Variants in KIAA1549L observed in about 807,000 individuals in gnomAD.
KIAA1549L encodes UPF0606 protein KIAA1549L.
In KIAA1549L, 88 loss-of-function variants were observed where a neutral mutation model predicts 160.7. The observed-to-expected ratio is 0.55, with a 90% CI of 0.46 to 0.65. The LOEUF is 0.65. Ranked by LOEUF, KIAA1549L falls within the 30% of genes least tolerant of loss-of-function variation. The pLI is 0.00. For missense variants in KIAA1549L, 2,258 were observed against 2,437.5 expected, an observed-to-expected ratio of 0.93 and a Z score of 1.55; for synonymous variants, 950 against 976.7, an observed-to-expected ratio of 0.97 and a Z score of 0.51.
intron 1 of KIAA1549L, among the ~76,000 whole-genome samples, chr11:33,397,710 T>TCACACACACA (rs71034679): frequency 2.7e-4 from 38 of 142,944 alleles, no homozygotes; most frequent in Non-Finnish European, 4.9e-4. Context: ...AGACTCCATC[T>TCACACACACA]CACACACACA....
chr11:33,478,998 G>A (rs1253086158), intron 1 of KIAA1549L, among the ~76,000 whole-genome samples: 1 of 152,296 alleles, frequency 6.6e-6, no homozygotes, highest in East Asian at 1.9e-4. Flanking sequence ...TGCCCCTAAG[G>A]TTACTCAGTT....
chr11:33,512,197 A>G (rs1018601445), intron 1 of KIAA1549L, among the ~76,000 whole-genome samples: 3 of 152,210 alleles, frequency 2.0e-5, no homozygotes, highest in East Asian at 1.9e-4. Flanking sequence ...AGAGTTGTCT[A>G]TTTAAAAATA....
chr11:33,597,556 G>A (rs1011215099), intron 12 of KIAA1549L, among the ~76,000 whole-genome samples: 2 of 152,216 alleles, frequency 1.3e-5, no homozygotes, highest in Non-Finnish European at 2.9e-5. Context: ...GAAGAACAGA[G>A]GCCGCTAGAT....
At chr11:33,654,170 C>T (rs1163883448) in intron 17 of KIAA1549L, among the ~76,000 whole-genome samples, 2 of 151,606 alleles carry the variant, frequency 1.3e-5, no homozygotes, top group African/African-American at 2.4e-5. Flanking sequence ...GACGGGGTTT[C>T]ACCATGTTAG....
chr11:33,534,669 C>T (rs1489998107), intron 1 of KIAA1549L, among the ~76,000 whole-genome samples: 1 of 152,128 alleles, frequency 6.6e-6, no homozygotes, highest in East Asian at 1.9e-4. Flanking sequence ...TCTACTCTTG[C>T]AAAGCTCTGT....
intron 1 of KIAA1549L, among the ~76,000 whole-genome samples, chr11:33,406,995 G>A (rs1238105275): frequency 3.3e-5 from 5 of 151,734 alleles, no homozygotes; most frequent in African/African-American, 1.2e-4. Context: ...TTGCTTCACT[G>A]AACTAGCTCA....
At chr11:33,422,833 G>A (rs1266928690) in intron 1 of KIAA1549L, among the ~76,000 whole-genome samples, 1 of 152,038 alleles carries the variant, frequency 6.6e-6, no homozygotes, top group Non-Finnish European at 1.5e-5. Flanking sequence ...GTTTTTAAGT[G>A]TTAAAAACTC....
Position 33,670,275 on chromosome 11 carries a change from T to C in KIAA1549L, c.*2121T>C, listed in dbSNP as rs751920820. On this transcript the variant is annotated 3_prime_UTR_variant, in exon 21 of 21. Transcript: ENST00000658780. ...TATGTGAAAATGATGTTTCAAGATC[T>C]TACTGTAATTGAAGTATACGTAAAT... is the stretch of plus-strand genomic sequence containing the variant. 1 of 152,256 alleles carries C rather than the reference T, an allele frequency of 6.6e-6. No homozygotes were observed. The highest frequency in any genetic ancestry group is 1.5e-5 in the Non-Finnish European group (1 of 68,042). 9.4% of individuals were successfully genotyped at this position (152,256 alleles called of 1,614,324 possible).
chr11:33,424,856 CTG>C (rs1212616128), intron 1 of KIAA1549L, among the ~76,000 whole-genome samples: 2 of 152,134 alleles, frequency 1.3e-5, no homozygotes, highest in Non-Finnish European at 1.5e-5. Context: ...GCTGTGGACT[CTG>C]TGTGGTGAGG....
At chr11:33,593,300 G>T (rs1159460146) in intron 12 of KIAA1549L, among the ~76,000 whole-genome samples, 1 of 152,184 alleles carries the variant, frequency 6.6e-6, no homozygotes, top group East Asian at 1.9e-4. Flanking sequence ...TTAGCCAGGT[G>T]CAGTGGTGTG....
At chr11:33,594,892 A>G (rs1850158515) in intron 12 of KIAA1549L, among the ~76,000 whole-genome samples, 1 of 152,190 alleles carries the variant, frequency 6.6e-6, no homozygotes, top group Non-Finnish European at 1.5e-5. Context: ...TATTCTCATC[A>G]TGATCTTTGC....
At chr11:33,491,172 A>T (rs1418736159) in intron 1 of KIAA1549L, among the ~76,000 whole-genome samples, 2 of 152,192 alleles carry the variant, frequency 1.3e-5, no homozygotes, top group Non-Finnish European at 2.9e-5. Context: ...TAAACAGATG[A>T]CTAATGACTT....
chr11:33,593,614 G>GT (rs1850120897), intron 12 of KIAA1549L, among the ~76,000 whole-genome samples: 8 of 152,166 alleles, frequency 5.3e-5, no homozygotes, highest in Admixed American at 5.2e-4. Flanking sequence ...GTTTAGAGGT[G>GT]TTTTGAAGGA....
In KIAA1549L at chr11:33,656,065, C is replaced by G. The variant is rs761464713; in HGVS notation, c.5814C>G (p.Pro1938=). The G allele has an allele frequency of 2.4e-5, 39 of 1,613,782 alleles. No homozygotes were observed. The South Asian group carries it at 3.6e-4, about 15-fold the overall frequency. The part of the protein sequence containing the change: ...PEMVMGSPPP[P]VPPRTGPVAV... ...TGGTCATGGGCTCACCGCCTCCACC[C>G]GTACCTCCCCGGACTGGTCCTGTGG... Residue 1938 remains proline (P), a synonymous_variant, in exon 18 of 21, where the codon CCC becomes CCG. Coordinates refer to ENST00000658780, the MANE Select transcript of KIAA1549L (RefSeq NM_012194.3).
At chr11:33,420,987 G>A (rs527604554) in intron 1 of KIAA1549L, among the ~76,000 whole-genome samples, 9 of 152,154 alleles carry the variant, frequency 5.9e-5, no homozygotes, top group Non-Finnish European at 1.0e-4. Context: ...TTGATTTGCA[G>A]CCTCAAATGA....
intron 1 of KIAA1549L, among the ~76,000 whole-genome samples, chr11:33,475,260 A>T (rs914604261): frequency 6.6e-6 from 1 of 152,134 alleles, no homozygotes; most frequent in Non-Finnish European, 1.5e-5. Context: ...GTATGGATGC[A>T]TATTTATTCA....
intron 1 of KIAA1549L, among the ~76,000 whole-genome samples, chr11:33,496,291 A>T (rs1852817763): frequency 1.3e-5 from 2 of 152,082 alleles, no homozygotes; most frequent in Non-Finnish European, 2.9e-5. Flanking sequence ...ATCTCTCTTC[A>T]CCCACAGGCA....
At chr11:33,481,692 A>G (rs1852414444) in intron 1 of KIAA1549L, among the ~76,000 whole-genome samples, 2 of 152,228 alleles carry the variant, frequency 1.3e-5, no homozygotes, top group Non-Finnish European at 2.9e-5. Flanking sequence ...GTCCAGTAGG[A>G]CAGACCCACC....
chr11:33,389,640 A>G (rs1464719266), intron 1 of KIAA1549L, among the ~76,000 whole-genome samples: 1 of 152,168 alleles, frequency 6.6e-6, no homozygotes, highest in Non-Finnish European at 1.5e-5. Flanking sequence ...GATGGGGAAT[A>G]TTTCTCTAGT....
Sources: allele counts gnomAD v4.1 joint callset (sites outside exome capture counted in the v4.1 genomes callset), GRCh38; gene constraint gnomAD v4.1.1; transcripts MANE v1.5; gene names NCBI Gene and HGNC (gene_info 2026-07-23, HGNC 2026-07-21).